Variants in FAM13B observed in about 807,000 individuals in gnomAD.
FAM13B encodes protein FAM13B.
A neutral mutation model predicts 117.3 loss-of-function variants in FAM13B; 60 were observed. The observed-to-expected ratio is 0.51, with a 90% CI of 0.42 to 0.63. The LOEUF (loss-of-function observed/expected upper bound fraction) is 0.63, where lower values mean the gene tolerates loss of function less well. Among genes scored for constraint, FAM13B ranks in the 30% least tolerant of loss-of-function variants. The probability of loss-of-function intolerance (pLI) is 0.00; values close to 1 mark genes in which losing one functional copy is unlikely to be tolerated. For missense variants in FAM13B, 972 were observed against 1,091.9 expected, an observed-to-expected ratio of 0.89 and a Z score of 1.55; for synonymous variants, 332 against 356.1, an observed-to-expected ratio of 0.93 and a Z score of 0.76.
At chr5:137,968,652 G>A (rs182221572) in intron 10 of FAM13B, among the ~76,000 whole-genome samples, 4 of 152,142 alleles carry the variant, frequency 2.6e-5, no homozygotes, top group Admixed American at 2.0e-4. Flanking sequence ...CTCCCAGCGT[G>A]AGCGACGCAA....
intron 7 of FAM13B, among the ~76,000 whole-genome samples, chr5:137,992,634 A>G (rs73299268): frequency 0.15 from 22,140 of 152,138 alleles, 1,783 homozygotes; most frequent in Non-Finnish European, 0.18. Flanking sequence ...ATGAACCACT[A>G]AAGTTCACAA....
intron 1 of FAM13B, among the ~76,000 whole-genome samples, chr5:138,046,243 T>C (rs1791638588): frequency 6.6e-6 from 1 of 152,236 alleles, no homozygotes; most frequent in Non-Finnish European, 1.5e-5. Context: ...CACGTGGAAC[T>C]GTTAAGTCCA....
chr5:138,021,426 C>T (rs1786683330), intron 1 of FAM13B, among the ~76,000 whole-genome samples: 1 of 152,126 alleles, frequency 6.6e-6, no homozygotes. Context: ...AAACGAATTG[C>T]AAAGGAGGAT....
At chr5:137,966,151 T>C (rs1196336874) in intron 10 of FAM13B, among the ~76,000 whole-genome samples, 3 of 151,692 alleles carry the variant, frequency 2.0e-5, no homozygotes, top group South Asian at 2.1e-4. Flanking sequence ...TTATCCAAAA[T>C]ATAGGCCGGG....
intron 1 of FAM13B, among the ~76,000 whole-genome samples, chr5:138,041,063 CAAAAAAA>C (rs5871662): frequency 7.1e-5 from 5 of 70,474 alleles, no homozygotes; most frequent in Admixed American, 1.5e-4. Context: ...GACTCCATCT[CAAAAAAA>C]AAAAAAAAAA....
chr5:138,011,233 G>T, intron 5 of FAM13B, 84 bp from the exon 6 acceptor site: 1 of 1,242,356 alleles, frequency 8.0e-7, no homozygotes, highest in Non-Finnish European at 1.1e-6. Flanking sequence ...GATACTTTAT[G>T]AACATGGGCA....
intron 7 of FAM13B, among the ~76,000 whole-genome samples, chr5:137,998,680 A>T (rs1780440067): frequency 6.6e-6 from 1 of 152,250 alleles, no homozygotes; most frequent in Admixed American, 6.5e-5. Context: ...AAACACCTGA[A>T]TACTTAAAGA....
At chr5:137,998,385 C>T (rs918731578) in intron 7 of FAM13B, among the ~76,000 whole-genome samples, 7 of 152,304 alleles carry the variant, frequency 4.6e-5, no homozygotes, top group South Asian at 4.1e-4. Flanking sequence ...TCATCTTACT[C>T]CTTGAGTACA....
At chr5:137,966,488 T>TATATATATATATAGAGAGAGAGAGAGAG (rs1461425784) in intron 10 of FAM13B, among the ~76,000 whole-genome samples, 1 of 29,470 alleles carries the variant, frequency 3.4e-5, no homozygotes, top group Non-Finnish European at 6.1e-5. Context: ...TATATATATA[T>TATATATATATATAGAGAGAGAGAGAGAG]AGAGAGAGAG....
intron 1 of FAM13B, among the ~76,000 whole-genome samples, chr5:138,025,628 C>T (rs536610713): frequency 6.6e-6 from 1 of 152,210 alleles, no homozygotes; most frequent in African/African-American, 2.4e-5. Flanking sequence ...AATACACATA[C>T]ATAGTAGCAG....
Position 137,938,434 on chromosome 5 carries a change from C to T in FAM13B, c.*1791G>A, listed in dbSNP as rs552385920. 6.5e-6 allele frequency: 1 copy of T among 152,744 alleles called. No individual in the cohort carries two copies. Among genetic ancestry groups the T allele is most frequent in the South Asian group, 2.1e-4 (1 of 4,832 alleles). The allele number at this position is 152,744 out of a possible 1,614,324, so 9.5% of individuals were successfully genotyped here. A position where few individuals can be genotyped will look rare whatever the true frequency, so the allele number is the denominator to read the frequency against. On this transcript the variant is annotated 3_prime_UTR_variant, in exon 24 of 24. Coordinates refer to ENST00000689681, the MANE Select transcript of FAM13B (RefSeq NM_001385994.1). Reference sequence around the variant, plus strand: ...ACATAAAATTAGATGTTTGGATACACTCCTATCTGGAGACTGAAGGAAATT... The same window carrying T: ...ACATAAAATTAGATGTTTGGATACATTCCTATCTGGAGACTGAAGGAAATT...
Position 138,043,643 on chromosome 5 carries a change from T to C in FAM13B, c.-203+8235A>G, listed in dbSNP as rs1791560708. On this transcript the variant is annotated intron_variant, in intron 1 of 3. Coordinates refer to the FAM13B transcript ENST00000502471. ...TTAGTAGAGACAGGGTTTCACCATG[T>C]TGGTCAGACTGGTCTCGAACTCCTG... is the stretch of plus-strand genomic sequence containing the variant. Among the ~76,000 whole-genome samples, 3 of 151,942 alleles carry C rather than the reference T, an allele frequency of 2.0e-5. No homozygotes were observed. In the South Asian group the frequency reaches 6.2e-4, roughly 32 times the overall value.
In FAM13B at chr5:138,050,464, A is replaced by AACAG. The variant is rs367889659; in HGVS notation, c.-203+1410_-203+1413dup. ...AAACAAACAAACAAACAAACAAACA[A>AACAG]ACAGACAAAACATCTGACATGCCAA... On this transcript the variant is annotated intron_variant, in intron 1 of 3. Transcript: ENST00000502471. Among the ~76,000 whole-genome samples, 446 of 133,282 alleles carry AACAG rather than the reference A, an allele frequency of 3.3e-3. 22 individuals carry two copies. The highest frequency in any genetic ancestry group is 0.018 in the South Asian group (69 of 3,842). The allele number at this position is 133,282 out of a possible 152,430, so 87.4% of individuals were successfully genotyped here.
chr5:137,951,766 C>T (rs1765111820), intron 17 of FAM13B, among the ~76,000 whole-genome samples: 2 of 152,026 alleles, frequency 1.3e-5, no homozygotes, highest in South Asian at 4.2e-4. Flanking sequence ...CGCTTGAGCC[C>T]AAGAGTTCGA....
chr5:138,004,089 T>C (rs1022033345), intron 7 of FAM13B, among the ~76,000 whole-genome samples: 2 of 151,782 alleles, frequency 1.3e-5, no homozygotes, highest in Non-Finnish European at 2.9e-5. Flanking sequence ...GCCAACATGG[T>C]GAAATCCCGT....
chr5:137,967,459 G>T lies in FAM13B; in HGVS notation c.1180-4990C>A, dbSNP rs554267744. ...AACTGCTTGAACCCAGGAGGCGGAG[G>T]TTGCAGTGGGCTGAGATCGCACCAC... On this transcript the variant is annotated intron_variant, in intron 10 of 23. Transcript: ENST00000689681. Among the ~76,000 whole-genome samples the T allele has an allele frequency of 1.3e-5, 2 of 152,164 alleles. 1 individual carries two copies.
intron 7 of FAM13B, among the ~76,000 whole-genome samples, chr5:137,993,080 T>C (rs1429183215): frequency 6.6e-6 from 1 of 152,182 alleles, no homozygotes; most frequent in Non-Finnish European, 1.5e-5. Flanking sequence ...CACCGTTCAG[T>C]GAAAGAAACC....
At chr5:137,966,740 T>G (rs571859089) in intron 10 of FAM13B, among the ~76,000 whole-genome samples, 1 of 152,004 alleles carries the variant, frequency 6.6e-6, no homozygotes, top group Non-Finnish European at 1.5e-5. Flanking sequence ...CACTACCAAA[T>G]ACTGGCAAGA....
intron 6 of FAM13B, among the ~76,000 whole-genome samples, chr5:138,008,168 G>A (rs529964807): frequency 4.6e-5 from 7 of 152,240 alleles, no homozygotes; most frequent in Middle Eastern, 3.4e-3. Flanking sequence ...GGGTATGGTC[G>A]GTGGCTCACA....
Sources: gnomAD v4.1 joint callset for allele counts (sites outside exome capture counted in the v4.1 genomes callset) on GRCh38, gnomAD v4.1.1 for gene constraint, MANE v1.5 for transcripts, NCBI Gene and HGNC (gene_info 2026-07-23, HGNC 2026-07-21) for gene names.